Variants in ZNF518A observed in about 807,000 individuals in gnomAD.
ZNF518A encodes the protein zinc finger protein 518A.
ZNF518A carries 47 observed loss-of-function variants against 102.7 expected under a neutral mutation model. The ratio of observed to expected loss-of-function variants is 0.46; its 90% CI spans 0.36 to 0.58. ZNF518A has a LOEUF of 0.58. Ranked by LOEUF, ZNF518A falls within the 20% of genes least tolerant of loss-of-function variation. The probability of loss-of-function intolerance (pLI) is 0.00; values close to 1 mark genes in which losing one functional copy is unlikely to be tolerated. For missense variants in ZNF518A, 1,793 were observed against 1,699.8 expected (o/e 1.05, Z -0.96); for synonymous variants, 652 against 594.6 (o/e 1.10, Z -1.40).
intron 1 of ZNF518A, among the ~76,000 whole-genome samples, chr10:96,131,184 C>T (rs2081318480): frequency 6.6e-6 from 1 of 152,156 alleles, no homozygotes; most frequent in Admixed American, 6.5e-5. Flanking sequence ...AGTGATAAAA[C>T]ATGAAGACAC....
downstream of ZNF518A, among the ~76,000 whole-genome samples, chr10:96,166,877 G>C (rs2083144674): frequency 6.6e-6 from 1 of 152,212 alleles, no homozygotes; most frequent in South Asian, 2.1e-4. Context: ...GGACTGACCA[G>C]AGAGAACTTC....
At chr10:96,136,437 TTAGTAA>T (rs1478376460) in intron 3 of ZNF518A, among the ~76,000 whole-genome samples, 1 of 150,602 alleles carries the variant, frequency 6.6e-6, no homozygotes, top group Admixed American at 6.6e-5. Flanking sequence ...GAGAGATCTC[TTAGTAA>T]TAGTCAAAGC....
At position 96,159,315 on chromosome 10, in the gene ZNF518A, C is replaced by T. The variant is rs782774143; in HGVS notation, c.2993C>T (p.Ala998Val). 1 of 1,613,346 alleles carries T rather than the reference C, an allele frequency of 6.2e-7. No homozygotes were observed. The highest frequency in any genetic ancestry group is 1.3e-5 in the African/African-American group (1 of 74,890). Residue 998 changes from alanine (A) to valine (V), a missense_variant, in exon 6 of 6, where the codon GCC (alanine) becomes GTC (valine). This residue lies in a region of ZNF518A where 1,741 missense variants were observed against 1,622.6 expected (regional missense o/e 1.07). Coordinates refer to ENST00000316045, the MANE Select transcript of ZNF518A (RefSeq NM_001330736.2). ...EGVSAVKTEG[A>V]PARGTVTKEP... Reference sequence around the variant, plus strand: ...GTTTCCGCTGTCAAAACCGAGGGTGCCCCAGCTCGTGGAACTGTGACTAAG... The same window carrying T: ...GTTTCCGCTGTCAAAACCGAGGGTGTCCCAGCTCGTGGAACTGTGACTAAG...
chr10:96,185,130 G>A (rs1025435602), intron 1 of ZNF518A, among the ~76,000 whole-genome samples: 2 of 152,076 alleles, frequency 1.3e-5, no homozygotes, highest in East Asian at 1.9e-4. Flanking sequence ...CGTAGTTCTC[G>A]TGCCATGGTT....
At chr10:96,187,865 A>AG (rs1333383310) in intron 1 of ZNF518A, among the ~76,000 whole-genome samples, 1 of 152,208 alleles carries the variant, frequency 6.6e-6, no homozygotes, top group Non-Finnish European at 1.5e-5. Flanking sequence ...GTTTATTTTG[A>AG]GACAGAGTCT....
At chr10:96,134,911 TG>T (rs34164085) in intron 3 of ZNF518A, among the ~76,000 whole-genome samples, 46,545 of 152,040 alleles carry the variant, frequency 0.31, 8,223 homozygotes, top group East Asian at 0.66. Context: ...TGTTGAAGGT[TG>T]TGGCTGGTAA....
At chr10:96,137,377 A>T (rs1181745952) in intron 3 of ZNF518A, among the ~76,000 whole-genome samples, 1 of 152,222 alleles carries the variant, frequency 6.6e-6, no homozygotes, top group Non-Finnish European at 1.5e-5. Flanking sequence ...CCTTTATCTT[A>T]AAACTCCTTG....
At position 96,157,999 on chromosome 10, in the gene ZNF518A, G is replaced by A. The variant is rs782466569; in HGVS notation, c.1677G>A (p.Leu559=). ...SVSSLSATSE[L]VTASVNLTTK... is the part of the protein sequence containing the mutation. ...CTTCTTTGTCAGCAACATCAGAATT[G>A]GTTACAGCATCAGTGAATTTGACCA... Residue 559 remains leucine, a synonymous_variant, in exon 6 of 6, where the codon TTG becomes TTA. Transcript: ENST00000316045. The A allele has an allele frequency of 2.5e-5, 41 of 1,613,742 alleles. No individual in the cohort carries two copies. Among genetic ancestry groups the A allele is most frequent in the Non-Finnish European group, 3.4e-5 (40 of 1,179,786 alleles).
chr10:96,175,107 T>A (rs1008601346), intron 1 of ZNF518A, among the ~76,000 whole-genome samples: 10 of 152,210 alleles, frequency 6.6e-5, no homozygotes, highest in Admixed American at 2.6e-4. Flanking sequence ...AAATGCCTGT[T>A]GTCTGAGCCA....
Position 96,157,428 on chromosome 10 carries a change from T to C in ZNF518A, c.1106T>C (p.Leu369Ser), listed in dbSNP as rs200168089. 12 of 1,613,390 alleles carry C rather than the reference T, an allele frequency of 7.4e-6. No homozygotes were observed. The highest frequency in any genetic ancestry group is 1.0e-5 in the Non-Finnish European group (12 of 1,179,644). The change falls in exon 6 of 6, where the codon TTA becomes TCA. Residue 369 changes from leucine (L) to serine (S), a missense_variant. By Grantham distance (145) the Leu-to-Ser change is moderately radical. Coordinates refer to ENST00000316045, the MANE Select transcript of ZNF518A (RefSeq NM_001330736.2). ...EDQSHVVQEH[L>S]SEEKDERLHC... ...CAGAGCCATGTTGTTCAAGAGCATT[T>C]AAGTGAAGAAAAGGATGAAAGACTA...
chr10:96,149,473 C>T (rs192871508), intron 3 of ZNF518A, among the ~76,000 whole-genome samples: 1 of 152,312 alleles, frequency 6.6e-6, no homozygotes, highest in African/African-American at 2.4e-5. Flanking sequence ...GGGGAAACAA[C>T]AGTAACCAAT....
At chr10:96,195,169 T>C (rs1238386213) in intron 1 of ZNF518A, among the ~76,000 whole-genome samples, 1 of 152,184 alleles carries the variant, frequency 6.6e-6, no homozygotes, top group East Asian at 1.9e-4. Flanking sequence ...TAACAAGTGC[T>C]GGTGGGGATG....
At position 96,130,522 on chromosome 10, in the gene ZNF518A, G is replaced by A. The variant is rs1218017137; in HGVS notation, c.-683G>A. On this transcript the variant is annotated 5_prime_UTR_variant, in exon 1 of 6. Coordinates refer to ENST00000316045, the MANE Select transcript of ZNF518A (RefSeq NM_001330736.2). ...CCGGAGGAAGGGGCGGATCGGGCGCGGTGTTTGGGGCGAAGCTGGGCGCGC... is the reference window on the plus strand; with the variant it reads ...CCGGAGGAAGGGGCGGATCGGGCGCAGTGTTTGGGGCGAAGCTGGGCGCGC... Among the ~76,000 whole-genome samples the A allele has an allele frequency of 6.6e-6, 1 of 152,240 alleles. No homozygotes were observed. Among genetic ancestry groups the A allele is most frequent in the Non-Finnish European group, 1.5e-5 (1 of 68,042 alleles).
chr10:96,176,053 C>A (rs770280761), intron 1 of ZNF518A, among the ~76,000 whole-genome samples: 2 of 152,060 alleles, frequency 1.3e-5, no homozygotes, highest in African/African-American at 4.8e-5. Flanking sequence ...ATCCTGCCTC[C>A]TGAGTAGCTA....
At chr10:96,145,626 T>C (rs1254294427) in intron 3 of ZNF518A, among the ~76,000 whole-genome samples, 1 of 152,260 alleles carries the variant, frequency 6.6e-6, no homozygotes, top group Non-Finnish European at 1.5e-5. Context: ...TGGGTACGTG[T>C]GTGTTGATAT....
At position 96,158,954 on chromosome 10, in the gene ZNF518A, A is replaced by T; in HGVS notation, c.2632A>T (p.Met878Leu). ...ACAAGATGTGAGAGATTCAGAGAAG[A>T]TGCCTAGAATTTCAGGTTTTGGCAC... ...IPQDVRDSEK[M>L]PRISGFGTLL... is the part of the protein sequence containing the mutation. The change falls in exon 6 of 6, where the codon ATG becomes TTG. Residue 878 changes from methionine to leucine, a missense_variant. By Grantham distance (15) the Met-to-Leu change is conservative. Around this residue, in one of 3 missense-constraint regions of ZNF518A, gnomAD observed 1,741 missense variants for 1,622.6 expected, o/e 1.07. Transcript: ENST00000316045. The T allele has an allele frequency of 6.2e-7, 1 of 1,613,614 alleles. No individual in the cohort carries two copies. The highest frequency in any genetic ancestry group is 1.3e-5 in the African/African-American group (1 of 75,038).
intron 1 of ZNF518A, among the ~76,000 whole-genome samples, chr10:96,182,918 T>G (rs1364765184): frequency 6.6e-6 from 1 of 152,232 alleles, no homozygotes; most frequent in Non-Finnish European, 1.5e-5. Flanking sequence ...TCTTTGTACC[T>G]CTAGTAGAAT....
chr10:96,145,064 T>TTTGTTGTTGTTGTTGTTG (rs56087328), intron 3 of ZNF518A, among the ~76,000 whole-genome samples: 21,126 of 150,646 alleles, frequency 0.14, 2,028 homozygotes, highest in East Asian at 0.53. Context: ...ACATGTATGT[T>TTTGTTGTTGTTGTTGTTG]TTGTTGTTGT....
intron 3 of ZNF518A, among the ~76,000 whole-genome samples, chr10:96,149,448 C>T (rs1220023485): frequency 6.6e-6 from 1 of 152,192 alleles, no homozygotes; most frequent in Non-Finnish European, 1.5e-5. Context: ...GAGTAAGCCT[C>T]TAGACTTCTG....
Sources: gnomAD v4.1 joint callset for allele counts (sites outside exome capture counted in the v4.1 genomes callset) on GRCh38, gnomAD v4.1.1 for gene constraint, gnomAD v4.1.1 regional missense constraint, MANE v1.5 for transcripts, NCBI Gene and HGNC (gene_info 2026-07-23, HGNC 2026-07-21) for gene names.